The following CLIC2 variants were observed in gnomAD, a reference collection of about 807,000 sequenced individuals.
CLIC2 encodes the protein CLIC family member 2.
A neutral mutation model predicts 14.8 loss-of-function variants in CLIC2; 9 were observed. The observed-to-expected ratio is 0.61, with a 90% confidence interval of 0.37 to 1.06. The LOEUF is 1.06. Among genes scored for constraint, CLIC2 ranks in the 50% least tolerant of loss-of-function variants. The pLI is 0.01. For missense variants in CLIC2, 148 were observed against 181.4 expected, an observed-to-expected ratio of 0.82 and a Z score of 1.06; for synonymous variants, 61 against 66.3, an observed-to-expected ratio of 0.92 and a Z score of 0.39.
chrX:155,325,766 ATATATAT>A (rs1473694424), intron 1 of CLIC2, among the ~76,000 whole-genome samples: 4 of 17,251 alleles, frequency 2.3e-4, no homozygotes, highest in African/African-American at 1.7e-3. Flanking sequence ...AATGTGATAT[ATATATAT>A]ATATATATAT....
chrX:155,293,481 T>C, intron 3 of CLIC2: 1 of 522,978 alleles, frequency 1.9e-6, no homozygotes. Context: ...ACCACCAAAC[T>C]GTAATGATAA....
rs1205087761 is a variant in CLIC2, at chrX:155,294,073, T to C, written c.293+4712A>G. Among the ~76,000 whole-genome samples, 3 of 111,696 alleles carry C rather than the reference T, an allele frequency of 2.7e-5. No individual in the cohort carries two copies. In the East Asian group the frequency reaches 8.4e-4, roughly 31 times the overall value. On this transcript the variant is annotated intron_variant, in intron 3 of 5. Transcript: ENST00000369449. ...TAGACCAAATGAACCAAACAGACAT[T>C]TACAGAACATTCTATCCAACAACTA...
intron 1 of CLIC2, among the ~76,000 whole-genome samples, chrX:155,317,786 C>T (rs1557321217): frequency 1.8e-5 from 2 of 111,822 alleles, no homozygotes. Flanking sequence ...TCATGATGAA[C>T]ATATATGCAA....
chrX:155,305,046 C>A (rs1557319802), intron 1 of CLIC2, among the ~76,000 whole-genome samples: 1 of 112,102 alleles, frequency 8.9e-6, no homozygotes, highest in South Asian at 3.7e-4. Flanking sequence ...TGTCTATGCC[C>A]TGCCCCCAGA....
chrX:155,326,758 A>G (rs1460269269), intron 1 of CLIC2, among the ~76,000 whole-genome samples: 2 of 111,781 alleles, frequency 1.8e-5, no homozygotes, highest in African/African-American at 6.5e-5. Flanking sequence ...AATAAAAAGG[A>G]TCAAACTGTT....
At chrX:155,297,569 G>A (rs1285334674) in intron 3 of CLIC2, among the ~76,000 whole-genome samples, 26 of 105,643 alleles carry the variant, frequency 2.5e-4, no homozygotes, top group Admixed American at 2.2e-3. Flanking sequence ...CAGGCCAGGC[G>A]CAGTGGCTCA....
Position 155,277,723 on chromosome X carries a change from G to T in CLIC2, c.*180C>A, listed in dbSNP as rs1259772317. ...AAAGAAAATTAAGTAAAAGTATGAA[G>T]ACCTGTAAAATACAGTGGACAGATT... On this transcript the variant is annotated 3_prime_UTR_variant, in exon 6 of 6. Coordinates refer to ENST00000369449, the MANE Select transcript of CLIC2 (RefSeq NM_001289.6). The T allele has an allele frequency of 2.3e-5, 10 of 428,299 alleles. No homozygotes were observed. The highest frequency in any genetic ancestry group is 2.4e-5 in the Non-Finnish European group (6 of 249,903). 35.3% of individuals were successfully genotyped at this position (428,299 alleles called of 1,213,427 possible).
intron 1 of CLIC2, among the ~76,000 whole-genome samples, chrX:155,326,336 A>G (rs2075138200): frequency 8.9e-6 from 1 of 111,883 alleles, no homozygotes; most frequent in African/African-American, 3.3e-5. Flanking sequence ...GATGACAAAT[A>G]AGCAGACAAA....
At chrX:155,318,632 T>C (rs1569561373) in intron 1 of CLIC2, among the ~76,000 whole-genome samples, 1 of 111,943 alleles carries the variant, frequency 8.9e-6, no homozygotes, top group Non-Finnish European at 1.9e-5. Context: ...AAAATGACCA[T>C]ACTGCCAAAA....
intron 3 of CLIC2, among the ~76,000 whole-genome samples, chrX:155,295,831 T>A (rs782025144): frequency 9.0e-5 from 10 of 111,141 alleles, no homozygotes; most frequent in Admixed American, 2.9e-4. Flanking sequence ...ATCTTTACAA[T>A]GAAAACTACA....
At chrX:155,303,561 G>A (rs1557319477) in intron 1 of CLIC2, among the ~76,000 whole-genome samples, 15 of 73,146 alleles carry the variant, frequency 2.1e-4, no homozygotes, top group Non-Finnish European at 2.4e-4. Flanking sequence ...CTTTTAATTG[G>A]AGCATTTAGT....
Position 155,276,908 on chromosome X carries a change from A to T in CLIC2, c.*995T>A, listed in dbSNP as rs1029320072. 1 of 112,106 alleles carries T rather than the reference A, an allele frequency of 8.9e-6. No homozygotes were observed. The highest frequency in any genetic ancestry group is 1.9e-5 in the Non-Finnish European group (1 of 53,158). 9.2% of individuals were successfully genotyped at this position (112,106 alleles called of 1,213,427 possible). A position where few individuals can be genotyped will look rare whatever the true frequency, so the allele number is the denominator to read the frequency against. On this transcript the variant is annotated 3_prime_UTR_variant, in exon 6 of 6. Transcript: ENST00000369449. ...AACCTATTAAAACGCTACTTCATTT[A>T]AATTTTATCTAAACTCCACCCTTCC...
chrX:155,299,152 A>C lies in CLIC2; in HGVS notation c.58-7T>G, dbSNP rs781906962. The C allele has an allele frequency of 2.6e-6, 3 of 1,146,771 alleles. No homozygotes were observed. The highest frequency in any genetic ancestry group is 2.2e-5 in the Admixed American group (1 of 45,895). 94.5% of individuals were successfully genotyped at this position (1,146,771 alleles called of 1,213,427 possible). A position where few individuals can be genotyped will look rare whatever the true frequency, so the allele number is the denominator to read the frequency against. On this transcript the variant is annotated splice_region_variant and splice_polypyrimidine_tract_variant and intron_variant, in intron 1 of 5. Coordinates refer to ENST00000369449, the MANE Select transcript of CLIC2 (RefSeq NM_001289.6). ...TCTCTCCATCACTTCCAGCCTATTAAGATAAAGAGAGACCTCAGTTCATTT... is the reference window on the plus strand; with the variant it reads ...TCTCTCCATCACTTCCAGCCTATTACGATAAAGAGAGACCTCAGTTCATTT...
chrX:155,286,543 G>A (rs1440890229), intron 3 of CLIC2, among the ~76,000 whole-genome samples: 1 of 112,243 alleles, frequency 8.9e-6, no homozygotes, highest in Non-Finnish European at 1.9e-5. Flanking sequence ...TTAGCTCTTT[G>A]AAGAATCACT....
chrX:155,292,303 A>G lies in CLIC2; in HGVS notation c.293+6482T>C, dbSNP rs900521409. 57 of 567,514 alleles carry G rather than the reference A, an allele frequency of 1.0e-4. 1 individual carries two copies. Among genetic ancestry groups the G allele is most frequent in the Middle Eastern group, 4.9e-4 (1 of 2,024 alleles). 46.8% of individuals were successfully genotyped at this position (567,514 alleles called of 1,213,427 possible). ...AGCCAAATGTCATTACTGAAACTCA[A>G]TGCACTCTAGGTTTAACTGAGCAGT... On this transcript the variant is annotated intron_variant, in intron 3 of 5. Transcript: ENST00000369449.
chrX:155,332,340 A>G (rs1557322903), intron 1 of CLIC2, among the ~76,000 whole-genome samples: 1 of 111,657 alleles, frequency 9.0e-6, no homozygotes, highest in African/African-American at 3.2e-5. Context: ...CGAAACTTCT[A>G]GAGATCTGTG....
chrX:155,313,609 G>C (rs2075082746), intron 1 of CLIC2, among the ~76,000 whole-genome samples: 1 of 112,280 alleles, frequency 8.9e-6, no homozygotes, highest in South Asian at 3.7e-4. Flanking sequence ...GACAGACAGA[G>C]AGGTGAGGAG....
intron 1 of CLIC2, among the ~76,000 whole-genome samples, chrX:155,318,049 C>T (rs1282204933): frequency 8.9e-6 from 1 of 111,752 alleles, no homozygotes; most frequent in Non-Finnish European, 1.9e-5. Flanking sequence ...AGAGAAGAAA[C>T]ATACCTTAAG....
intron 1 of CLIC2, among the ~76,000 whole-genome samples, chrX:155,300,768 AG>A (rs1347772744): frequency 7.5e-5 from 7 of 93,630 alleles, no homozygotes; most frequent in Non-Finnish European, 1.5e-4. Flanking sequence ...GGTGTAAGGA[AG>A]GGATCCAGTT....
Sources: allele counts gnomAD v4.1 joint callset (sites outside exome capture counted in the v4.1 genomes callset), GRCh38; gene constraint gnomAD v4.1.1; transcripts MANE v1.5; gene names NCBI Gene and HGNC (gene_info 2026-07-23, HGNC 2026-07-21).